MS4A8: variants seen among roughly 807,000 people sequenced by gnomAD.
MS4A8 encodes membrane-spanning 4-domains subfamily A member 8.
In MS4A8, 27 loss-of-function variants were observed where a neutral mutation model predicts 23.7. The ratio of observed to expected loss-of-function variants is 1.14; its 90% confidence interval spans 0.84 to 1.57. The LOEUF (loss-of-function observed/expected upper bound fraction) is 1.57, where lower values mean the gene tolerates loss of function less well. Among genes scored for constraint, MS4A8 ranks in the 40% most tolerant of loss-of-function variants. The probability of loss-of-function intolerance (pLI) is 0.00; values close to 1 mark genes in which losing one functional copy is unlikely to be tolerated. For missense variants in MS4A8, 301 were observed against 311.4 expected, an observed-to-expected ratio of 0.97 and a Z score of 0.25; for synonymous variants, 138 against 126.3, an observed-to-expected ratio of 1.09 and a Z score of -0.62.
chr11:60,708,595 C>T (rs1167071580), intron 4 of MS4A8, 55 bp from the exon 5 acceptor site: 3 of 1,467,614 alleles, frequency 2.0e-6, no homozygotes, highest in Non-Finnish European at 2.7e-6. Flanking sequence ...GGTCTCCATT[C>T]ATCTCAGCTA....
chr11:60,710,112 C>T lies in MS4A8; in HGVS notation c.534+1331C>T, dbSNP rs1049928682. Among the ~76,000 whole-genome samples, 3 of 152,174 alleles carry T rather than the reference C, an allele frequency of 2.0e-5. No individual in the cohort carries two copies. The South Asian group carries it at 6.2e-4, about 32-fold the overall frequency. ...TCACTGGTTGCCCTCTTCTCTGTCT[C>T]CTCTGCTAGTTCTGTTTTTCCCAAT... On this transcript the variant is annotated intron_variant, in intron 5 of 6. Transcript: ENST00000300226.
chr11:60,708,615 T>C, intron 4 of MS4A8, 35 bp from the exon 5 acceptor site: 2 of 1,480,774 alleles, frequency 1.4e-6, no homozygotes, highest in Non-Finnish European at 1.8e-6. Flanking sequence ...ATAACAGCTT[T>C]TCTCGCCCAT....
At position 60,702,522 on chromosome 11, in the gene MS4A8, C is replaced by G. The variant is rs149604258; in HGVS notation, c.220-856C>G. Among the ~76,000 whole-genome samples, 191 of 152,354 alleles carry G rather than the reference C, an allele frequency of 1.3e-3. 1 individual carries two copies. Among genetic ancestry groups the G allele is most frequent in the African/African-American group, 4.4e-3 (182 of 41,570 alleles). On this transcript the variant is annotated intron_variant, in intron 2 of 6. Transcript: ENST00000300226. ...GGTTTAAGCGATTCTCCCGCCTCAG[C>G]CTCCCAAGTAGCTGGGATTACAGGC...
At chr11:60,709,418 A>C (rs984816460) in intron 5 of MS4A8, among the ~76,000 whole-genome samples, 4 of 152,356 alleles carry the variant, frequency 2.6e-5, no homozygotes, top group East Asian at 3.9e-4. Context: ...AACAGGTGAA[A>C]TTGATTTTAA....
At chr11:60,707,168 C>T (rs1403407818) in intron 4 of MS4A8, 121 bp downstream of exon 4, 11 of 927,234 alleles carry the variant, frequency 1.2e-5, no homozygotes, top group South Asian at 5.6e-5. Flanking sequence ...ACCAGACACA[C>T]GGTGCTCACA....
In MS4A8 at chr11:60,701,010, A is replaced by C. The variant is rs1289781349; in HGVS notation, c.150A>C (p.Pro50=). The change falls in exon 2 of 7, where the codon CCA becomes CCC. Residue 50 remains proline (P), a synonymous_variant. Coordinates refer to ENST00000300226, the MANE Select transcript of MS4A8 (RefSeq NM_031457.2). ...QPQVHLVPGN[P]PSLVSNVNGQ... is the part of the protein sequence containing the mutation. ...AAGTCCACCTAGTTCCTGGGAACCC[A>C]CCTAGTTTGGTGTCGAATGTGAATG... The C allele has an allele frequency of 6.2e-7, 1 of 1,614,160 alleles. No homozygotes were observed. Among genetic ancestry groups the C allele is most frequent in the Admixed American group, 1.7e-5 (1 of 60,018 alleles).
chr11:60,704,618 A>G (rs1261539800), intron 3 of MS4A8, among the ~76,000 whole-genome samples: 2 of 152,118 alleles, frequency 1.3e-5, no homozygotes, highest in African/African-American at 4.8e-5. Context: ...CTCAATCTAG[A>G]TCTGCAGATG....
intron 5 of MS4A8, chr11:60,712,019 T>G (rs2088305081): frequency 3.8e-6 from 1 of 261,404 alleles, no homozygotes; most frequent in Non-Finnish European, 7.6e-6. Context: ...ATAAAAAAAA[T>G]CTCAGCTGCT....
intron 5 of MS4A8, chr11:60,711,876 C>T (rs1220011298): frequency 2.2e-6 from 1 of 456,108 alleles, no homozygotes; most frequent in Non-Finnish European, 4.4e-6. Context: ...CCATGCCCAC[C>T]ACCCATTCCA....
In MS4A8 at chr11:60,703,398, C is replaced by T. The variant is rs767719468; in HGVS notation, c.240C>T (p.Gly80=). The stretch of plus-strand genomic sequence containing the variant: ...GACAGGCCATCCAGATCATCATTGG[C>T]CTGGCTCACATCGGCCTCGGCTCCA... ...KTLGAIQIII[G]LAHIGLGSIM... Residue 80 remains glycine, a synonymous_variant, in exon 3 of 7, where the codon GGC becomes GGT. Coordinates refer to ENST00000300226, the MANE Select transcript of MS4A8 (RefSeq NM_031457.2). 6.3e-6 allele frequency: 10 copies of T among 1,597,844 alleles called. No individual in the cohort carries two copies. In the African/African-American group the frequency reaches 1.1e-4, roughly 17 times the overall value.
rs201465289 is a variant in MS4A8, at chr11:60,715,087, G to C, written c.601G>C (p.Ala201Pro). The C allele has an allele frequency of 7.3e-5, 118 of 1,613,932 alleles. No homozygotes were observed. Among genetic ancestry groups the C allele is most frequent in the Non-Finnish European group, 9.1e-5 (107 of 1,180,006 alleles). The change falls in exon 6 of 7, where the codon GCA (alanine) becomes CCA (proline). Residue 201 changes from alanine to proline, a missense_variant. Ala to Pro is a conservative substitution (Grantham distance 27). Transcript: ENST00000300226. ...FCLLEFGIAC[A>P]SSHFGCQLVC... ...CCTCCTGGAGTTTGGCATCGCATGC[G>C]CATCTTCCCACTTTGGCTGCCAGTT...
In MS4A8 at chr11:60,704,692, G is replaced by T. The variant is rs909610235; in HGVS notation, c.342+1192G>T. Among the ~76,000 whole-genome samples, 9 of 152,244 alleles carry T rather than the reference G, an allele frequency of 5.9e-5. No homozygotes were observed. In the South Asian group the frequency reaches 1.7e-3, roughly 28 times the overall value. On this transcript the variant is annotated intron_variant, in intron 3 of 6. Transcript: ENST00000300226. ...CTAAATGTGTATTATTTTTCTGGAA[G>T]GGTCCATAGCTTTCATCAGATTATC...
chr11:60,710,729 T>C (rs1231986620), intron 5 of MS4A8, among the ~76,000 whole-genome samples: 1 of 152,142 alleles, frequency 6.6e-6, no homozygotes, highest in African/African-American at 2.4e-5. Context: ...AAAAAGCCAA[T>C]GTCCTTCCAG....
intron 6 of MS4A8, 47 bp from the exon 7 acceptor site, chr11:60,715,263 A>C: frequency 6.4e-7 from 1 of 1,573,558 alleles, no homozygotes; most frequent in Non-Finnish European, 8.7e-7. Flanking sequence ...CCTTTGGTGC[A>C]TGGCCCGTCC....
intron 4 of MS4A8, among the ~76,000 whole-genome samples, chr11:60,707,435 G>C (rs2134658335): frequency 6.6e-6 from 1 of 152,170 alleles, no homozygotes; most frequent in East Asian, 1.9e-4. Flanking sequence ...TTCCAGTACA[G>C]AGAAGAGGAC....
At chr11:60,715,250 A>G in intron 6 of MS4A8, 60 bp from the exon 7 acceptor site, 1 of 1,535,654 alleles carries the variant, frequency 6.5e-7, no homozygotes, top group South Asian at 1.1e-5. Context: ...TCGGTGTCCG[A>G]GGCCTTTGGT....
chr11:60,703,255 G>A, intron 2 of MS4A8, 123 bp from the exon 3 acceptor site: 2 of 1,157,238 alleles, frequency 1.7e-6, no homozygotes, highest in Non-Finnish European at 2.3e-6. Flanking sequence ...TTTCATTTTT[G>A]TATTTCCCAT....
chr11:60,715,288 C>G (rs368144260), intron 6 of MS4A8, 22 bp from the exon 7 acceptor site: 24 of 1,605,702 alleles, frequency 1.5e-5, no homozygotes, highest in South Asian at 9.9e-5. Context: ...TAGCATGCCC[C>G]CTGTGTGCCT....
At chr11:60,702,573 T>C (rs965244464) in intron 2 of MS4A8, among the ~76,000 whole-genome samples, 5 of 152,162 alleles carry the variant, frequency 3.3e-5, no homozygotes, top group Admixed American at 3.3e-4. Flanking sequence ...GAGCTAGTTT[T>C]TGTATTTTTG....
Sources: gnomAD v4.1 joint callset for allele counts (sites outside exome capture counted in the v4.1 genomes callset) on GRCh38, gnomAD v4.1.1 for gene constraint, MANE v1.5 for transcripts, NCBI Gene and HGNC (gene_info 2026-07-23, HGNC 2026-07-21) for gene names.